CEP85L: variants seen among roughly 807,000 people sequenced by gnomAD.
CEP85L encodes the protein centrosomal protein of 85 kDa-like.
CEP85L carries 60 observed loss-of-function variants against 100.3 expected under a neutral mutation model. The observed-to-expected ratio is 0.60, with a 90% CI of 0.49 to 0.74. The LOEUF (loss-of-function observed/expected upper bound fraction) is 0.74, where lower values mean the gene tolerates loss of function less well. CEP85L is among the 30% of genes least tolerant of loss of function. CEP85L has a pLI of 0.00. For synonymous variants in CEP85L, 319 were observed against 322.7 expected, an observed-to-expected ratio of 0.99 and a Z score of 0.12; for missense variants, 973 against 936.2, an observed-to-expected ratio of 1.04 and a Z score of -0.51.
At chr6:118,681,736 T>C (rs1583254935) in intron 1 of CEP85L, among the ~76,000 whole-genome samples, 2 of 143,660 alleles carry the variant, frequency 1.4e-5, no homozygotes, top group East Asian at 2.0e-4. Context: ...TATTATTCTA[T>C]TATAATTATT....
chr6:118,498,679 G>A (rs1480147251), intron 5 of CEP85L, among the ~76,000 whole-genome samples: 34 of 151,024 alleles, frequency 2.3e-4, no homozygotes, highest in Non-Finnish European at 1.8e-4. Context: ...GGGAAGGAGG[G>A]AAACAGAAAA....
chr6:118,696,770 A>T (rs887884622), intron 1 of CEP85L, among the ~76,000 whole-genome samples: 6 of 152,162 alleles, frequency 3.9e-5, no homozygotes, highest in African/African-American at 1.4e-4. Flanking sequence ...AACCATTAAG[A>T]ATTTATTACT....
In CEP85L at chr6:118,614,373, T is replaced by C. The variant is rs9387594; in HGVS notation, c.232+18080A>G. 5.1e-3 allele frequency among the ~76,000 whole-genome samples: 783 copies of C among 152,276 alleles called. 28 individuals carry two copies. In the East Asian group the frequency reaches 0.12, roughly 23 times the overall value. ...TCATAAACATTGTGCTAGATTCTTCTAGTCACTGCAGTAAGTCAAGAGAAG... is the reference window on the plus strand; with the variant it reads ...TCATAAACATTGTGCTAGATTCTTCCAGTCACTGCAGTAAGTCAAGAGAAG... On this transcript the variant is annotated intron_variant, in intron 2 of 12. Transcript: ENST00000368491.
chr6:118,532,536 A>G (rs1323506897), intron 3 of CEP85L, among the ~76,000 whole-genome samples: 1 of 152,222 alleles, frequency 6.6e-6, no homozygotes, highest in Non-Finnish European at 1.5e-5. Context: ...AAAAAGTTTG[A>G]GAGCAAAAAG....
intron 1 of CEP85L, among the ~76,000 whole-genome samples, chr6:118,644,308 C>T (rs912823307): frequency 1.3e-5 from 2 of 151,994 alleles, no homozygotes; most frequent in African/African-American, 4.8e-5. Context: ...CTTTGGACGG[C>T]ACATCTTCCT....
chr6:118,599,739 T>C (rs968390239), intron 2 of CEP85L, among the ~76,000 whole-genome samples: 2 of 152,220 alleles, frequency 1.3e-5, no homozygotes, highest in Admixed American at 1.3e-4. Context: ...CCTGATATGA[T>C]ATGATGAAAA....
chr6:118,626,507 T>C (rs193169675), intron 2 of CEP85L, among the ~76,000 whole-genome samples: 1 of 152,294 alleles, frequency 6.6e-6, no homozygotes, highest in Non-Finnish European at 1.5e-5. Context: ...CAATTTCAGA[T>C]TTTCTCAAAA....
chr6:118,647,854 T>C (rs1314108073), intron 1 of CEP85L, among the ~76,000 whole-genome samples: 4 of 152,316 alleles, frequency 2.6e-5, no homozygotes, highest in African/African-American at 7.2e-5. Context: ...ATCAACCAAA[T>C]GCATAAAAAG....
At chr6:118,483,918 C>A in intron 6 of CEP85L, 60 bp from the exon 7 acceptor site, 1 of 1,488,446 alleles carries the variant, frequency 6.7e-7, no homozygotes, top group Non-Finnish European at 9.2e-7. Context: ...TATAACAAAA[C>A]CAACACTTTA....
chr6:118,509,654 A>G lies in CEP85L; in HGVS notation c.1257+1644T>C, dbSNP rs539529340. Among the ~76,000 whole-genome samples, 32 of 152,172 alleles carry G rather than the reference A, an allele frequency of 2.1e-4. No individual in the cohort carries two copies. The South Asian group carries it at 6.2e-3, about 30-fold the overall frequency. On this transcript the variant is annotated intron_variant, in intron 5 of 12. Transcript: ENST00000368491. ...AAGATATGATGAAGGAAACAATTCC[A>G]CTTAACTTAAAATCTAGGAATAAAG...
At chr6:118,699,277 A>AC (rs1777318154) in intron 1 of CEP85L, among the ~76,000 whole-genome samples, 1 of 150,690 alleles carries the variant, frequency 6.6e-6, no homozygotes. Context: ...ACATAGCAAG[A>AC]CCCCCATCTC....
intron 3 of CEP85L, chr6:118,559,802 T>C (rs981852875): frequency 6.0e-6 from 1 of 167,720 alleles, no homozygotes; most frequent in African/African-American, 2.4e-5. Flanking sequence ...AAATCTGTTC[T>C]AAGACATATG....
intron 2 of CEP85L, among the ~76,000 whole-genome samples, chr6:118,622,477 T>C (rs977808596): frequency 2.0e-5 from 3 of 152,184 alleles, no homozygotes; most frequent in Admixed American, 6.5e-5. Context: ...TGTATACTGA[T>C]AGAAGTTCAT....
At chr6:118,533,094 A>G (rs893528369) in intron 3 of CEP85L, among the ~76,000 whole-genome samples, 4 of 152,158 alleles carry the variant, frequency 2.6e-5, no homozygotes, top group African/African-American at 9.6e-5. Flanking sequence ...AAACTAGAAT[A>G]TAAGCCCAAA....
At chr6:118,587,463 C>G (rs1230041600) in intron 2 of CEP85L, among the ~76,000 whole-genome samples, 1 of 152,174 alleles carries the variant, frequency 6.6e-6, no homozygotes, top group Non-Finnish European at 1.5e-5. Context: ...GAGAGTGCAA[C>G]AAGGGTGATA....
chr6:118,536,160 T>A (rs1240639806), intron 3 of CEP85L, among the ~76,000 whole-genome samples: 1 of 152,108 alleles, frequency 6.6e-6, no homozygotes, highest in Non-Finnish European at 1.5e-5. Flanking sequence ...GAATACTATA[T>A]AGCAATAAAA....
At chr6:118,487,165 A>C (rs1774243804) in intron 6 of CEP85L, among the ~76,000 whole-genome samples, 1 of 152,234 alleles carries the variant, frequency 6.6e-6, no homozygotes, top group Admixed American at 6.5e-5. Flanking sequence ...GTGGGAGAAA[A>C]AAATAGCCAA....
rs79741792 is a variant in CEP85L at position 118,523,417 on chromosome 6, C to T, written c.1139+385G>A. The stretch of plus-strand genomic sequence containing the variant: ...TTTCTGTGGCTTCAGACCTAGCATA[C>T]ATTAAAGGAAATGACTGCTTTAAAT... On this transcript the variant is annotated intron_variant, in intron 4 of 12. Transcript: ENST00000368491. Among the ~76,000 whole-genome samples, 1,098 of 152,322 alleles carry T rather than the reference C, an allele frequency of 7.2e-3. 4 individuals are homozygous for T. Among genetic ancestry groups the T allele is most frequent in the Non-Finnish European group, 0.01 (706 of 68,040 alleles).
At chr6:118,687,737 C>T (rs961200274) in intron 1 of CEP85L, among the ~76,000 whole-genome samples, 2 of 152,144 alleles carry the variant, frequency 1.3e-5, no homozygotes, top group Non-Finnish European at 2.9e-5. Context: ...ACAGCTCGAG[C>T]TGAGCTTTTG....
Sources: gnomAD v4.1 joint callset for allele counts (sites outside exome capture counted in the v4.1 genomes callset) on GRCh38, gnomAD v4.1.1 for gene constraint, MANE v1.5 for transcripts, NCBI Gene and HGNC (gene_info 2026-07-23, HGNC 2026-07-21) for gene names.